The following ASXL1 variants were observed in gnomAD, a reference collection of about 807,000 sequenced individuals.
ASXL1 encodes polycomb group protein ASXL1.
Under a neutral mutation model 89.1 loss-of-function variants are expected in ASXL1, and 65 were observed. That is an observed-to-expected ratio of 0.73 (90% CI 0.60 to 0.90). ASXL1 has a LOEUF of 0.90. Ranked by LOEUF, ASXL1 falls within the 40% of genes least tolerant of loss-of-function variation. The probability of loss-of-function intolerance (pLI) is 0.00; values close to 1 mark genes in which losing one functional copy is unlikely to be tolerated. For synonymous variants in ASXL1, 739 were observed against 746.9 expected (o/e 0.99, Z 0.17); for missense variants, 1,786 against 1,942.9 (o/e 0.92, Z 1.52).
Position 32,373,237 on chromosome 20 carries a change from C to T in ASXL1, c.252+4114C>T, listed in dbSNP as rs565573853. Reference sequence around the variant, plus strand: ...ACGAAAAATACAAAAATTAGCCGGGCGTGGTTGTGCACGCCTGTAATCCTA... The same window carrying T: ...ACGAAAAATACAAAAATTAGCCGGGTGTGGTTGTGCACGCCTGTAATCCTA... On this transcript the variant is annotated intron_variant, in intron 4 of 12. Transcript: ENST00000375687. Among the ~76,000 whole-genome samples, 16 of 151,608 alleles carry T rather than the reference C, an allele frequency of 1.1e-4. No individual in the cohort carries two copies. In the South Asian group the frequency reaches 2.7e-3, roughly 26 times the overall value.
intron 1 of ASXL1, among the ~76,000 whole-genome samples, chr20:32,361,345 A>C (rs1342904222): frequency 3.3e-5 from 5 of 151,770 alleles, no homozygotes; most frequent in African/African-American, 7.3e-5. Flanking sequence ...CCCTGACTCT[A>C]AAAAAATAAT....
chr20:32,429,572 C>A lies in ASXL1; in HGVS notation c.565+141C>A. 1 of 910,976 alleles carries A rather than the reference C, an allele frequency of 1.1e-6. No individual in the cohort carries two copies. Among genetic ancestry groups the A allele is most frequent in the Non-Finnish European group, 1.8e-6 (1 of 567,662 alleles). 56.4% of individuals were successfully genotyped at this position (910,976 alleles called of 1,614,324 possible). A position where few individuals can be genotyped will look rare whatever the true frequency, so the allele number is the denominator to read the frequency against. On this transcript the variant is annotated intron_variant, in intron 7 of 12. Coordinates refer to ENST00000375687, the MANE Select transcript of ASXL1 (RefSeq NM_015338.6). This position sits in a 1 kb window ranked among gnomAD's most constrained non-coding sequence, Gnocchi z 4.9. ...GCAAGAGCCCTGCCAATGGATGAGG[C>A]CTGCCATAGGTTCTAGTGCTGGGCT... is the stretch of plus-strand genomic sequence containing the variant.
intron 4 of ASXL1, among the ~76,000 whole-genome samples, chr20:32,420,827 G>C (rs1019605025): frequency 6.6e-6 from 1 of 152,102 alleles, no homozygotes; most frequent in Non-Finnish European, 1.5e-5. Context: ...GACTTGAACA[G>C]ATACTTAAAG....
chr20:32,373,735 TG>T (rs1355269501), intron 4 of ASXL1, among the ~76,000 whole-genome samples: 1 of 151,780 alleles, frequency 6.6e-6, no homozygotes, highest in Admixed American at 6.6e-5. Flanking sequence ...GGCATGGTGG[TG>T]GGTGCCTGTA....
At chr20:32,417,358 T>G (rs2049155595) in intron 4 of ASXL1, among the ~76,000 whole-genome samples, 1 of 152,202 alleles carries the variant, frequency 6.6e-6, no homozygotes, top group South Asian at 2.1e-4. Context: ...TGATAGAAAC[T>G]CCTTTCTTAT....
chr20:32,388,604 T>C lies in ASXL1; in HGVS notation c.252+19481T>C, dbSNP rs543665961. Among the ~76,000 whole-genome samples the C allele has an allele frequency of 2.0e-5, 3 of 152,358 alleles. No homozygotes were observed. In the South Asian group the frequency reaches 6.2e-4, roughly 32 times the overall value. ...CTTGCATTCCTAGGATAAATGGTAC[T>C]TCAACATGATTTTCCTTTTAAATAT... On this transcript the variant is annotated intron_variant, in intron 4 of 12. Transcript: ENST00000375687.
At chr20:32,420,720 G>A (rs896177203) in intron 4 of ASXL1, among the ~76,000 whole-genome samples, 3 of 151,918 alleles carry the variant, frequency 2.0e-5, no homozygotes, top group African/African-American at 7.3e-5. Flanking sequence ...ATTTGTAAAA[G>A]GAATACGTAC....
At chr20:32,420,206 A>G (rs2049217359) in intron 4 of ASXL1, among the ~76,000 whole-genome samples, 1 of 152,122 alleles carries the variant, frequency 6.6e-6, no homozygotes, top group Non-Finnish European at 1.5e-5. Flanking sequence ...GAATTCTAGT[A>G]TACTGTTGAA....
At chr20:32,419,109 G>A (rs1307056479) in intron 4 of ASXL1, among the ~76,000 whole-genome samples, 6 of 151,936 alleles carry the variant, frequency 3.9e-5, no homozygotes, top group Admixed American at 3.9e-4. Flanking sequence ...GGGATTACAG[G>A]CTTGAGCCAC....
chr20:32,382,436 A>ATAT (rs1042100218), intron 4 of ASXL1, among the ~76,000 whole-genome samples: 5 of 152,062 alleles, frequency 3.3e-5, no homozygotes, highest in African/African-American at 1.2e-4. Context: ...TGGTTTTTAG[A>ATAT]TATATTATTC....
chr20:32,379,880 A>G (rs2122916448), intron 4 of ASXL1, among the ~76,000 whole-genome samples: 1 of 152,258 alleles, frequency 6.6e-6, no homozygotes, highest in Admixed American at 6.6e-5. Context: ...ACTTTATTAT[A>G]CTTCATGTGA....
chr20:32,418,995 G>A (rs1236829768), intron 4 of ASXL1, among the ~76,000 whole-genome samples: 1 of 151,686 alleles, frequency 6.6e-6, no homozygotes, highest in African/African-American at 2.4e-5. Context: ...ACCATGTCTG[G>A]CTAATTATTG....
At chr20:32,359,455 G>A (rs2048072773) in intron 1 of ASXL1, 3 of 695,650 alleles carry the variant, frequency 4.3e-6, no homozygotes. Context: ...AGGGCCCTTC[G>A]TAAGACCTGC....
intron 10 of ASXL1, 195 bp from the exon 11 acceptor site, chr20:32,432,685 G>A: frequency 1.6e-6 from 1 of 611,612 alleles, no homozygotes; most frequent in South Asian, 2.0e-5. Flanking sequence ...TTTCGATCAA[G>A]GAGTTGCTTG....
chr20:32,419,349 C>T (rs1308364132), intron 4 of ASXL1, among the ~76,000 whole-genome samples: 4 of 151,858 alleles, frequency 2.6e-5, no homozygotes, highest in Admixed American at 6.6e-5. Context: ...ACTACAGGTG[C>T]GCGTCACCAT....
chr20:32,415,313 T>C (rs1355876766), intron 4 of ASXL1, among the ~76,000 whole-genome samples: 1 of 152,056 alleles, frequency 6.6e-6, no homozygotes, highest in Non-Finnish European at 1.5e-5. Flanking sequence ...CCAGCCTGCG[T>C]CATGATTTTC....
At position 32,433,314 on chromosome 20, in the gene ASXL1, G is replaced by A. The variant is rs2123252598; in HGVS notation, c.1116G>A (p.Gln372=). 6.2e-7 allele frequency: 1 copy of A among 1,614,204 alleles called. No individual in the cohort carries two copies. Among genetic ancestry groups the A allele is most frequent in the African/African-American group, 1.3e-5 (1 of 75,046 alleles). The change falls in exon 12 of 13, where the codon CAG becomes CAA. Residue 372 remains glutamine (Q), a synonymous_variant. Coordinates refer to ENST00000375687, the MANE Select transcript of ASXL1 (RefSeq NM_015338.6). The part of the protein sequence containing the change: ...KLGLTKEESL[Q]QNVGQEEAEI... ...GTTTGACCAAAGAAGAGTCATTGCA[G>A]CAGAACGTGGGCCAGGAGGAGGCTG...
chr20:32,364,378 T>G (rs2424876), intron 1 of ASXL1, among the ~76,000 whole-genome samples: 111,790 of 150,766 alleles, frequency 0.74, 42,504 homozygotes, highest in South Asian at 0.9. Flanking sequence ...ACCATGCCCA[T>G]CTAGTTTTTT....
At chr20:32,434,296 G>A (rs545113872) in intron 12 of ASXL1, 136 bp from the exon 13 acceptor site, 3 of 1,149,360 alleles carry the variant, frequency 2.6e-6, no homozygotes, top group East Asian at 2.5e-5. Flanking sequence ...TTACTATGAT[G>A]ATTTCATTGT....
Sources: allele counts gnomAD v4.1 joint callset (sites outside exome capture counted in the v4.1 genomes callset), GRCh38; gene constraint gnomAD v4.1.1; non-coding constraint Gnocchi (gnomAD v3.1); transcripts MANE v1.5; gene names NCBI Gene and HGNC (gene_info 2026-07-23, HGNC 2026-07-21).